FAM162B: variants seen among roughly 807,000 people sequenced by gnomAD.
FAM162B encodes protein FAM162B.
Under a neutral mutation model 20.0 loss-of-function variants are expected in FAM162B, and 16 were observed. The ratio of observed to expected loss-of-function variants is 0.80; its 90% CI spans 0.54 to 1.21. FAM162B has a LOEUF of 1.21. FAM162B is among the 50% of genes most tolerant of loss of function. The pLI, the probability that FAM162B is intolerant of heterozygous loss-of-function variation, is 0.00. For synonymous variants in FAM162B, 83 were observed against 89.7 expected, an observed-to-expected ratio of 0.93 and a Z score of 0.42; for missense variants, 260 against 227.5, an observed-to-expected ratio of 1.14 and a Z score of -0.92.
intron 3 of FAM162B, among the ~76,000 whole-genome samples, chr6:116,756,930 A>G (rs1780058331): frequency 6.6e-6 from 1 of 152,216 alleles, no homozygotes; most frequent in African/African-American, 2.4e-5. Context: ...ATTCATTTCA[A>G]TACCATTAGA....
intron 3 of FAM162B, among the ~76,000 whole-genome samples, chr6:116,756,112 T>C (rs557112513): frequency 8.5e-5 from 13 of 152,320 alleles, no homozygotes; most frequent in Non-Finnish European, 1.8e-4. Context: ...ATAGCTACCA[T>C]AGATAGTGAT....
intron 2 of FAM162B, among the ~76,000 whole-genome samples, chr6:116,764,688 AC>A (rs138477704): frequency 3.5e-5 from 5 of 142,984 alleles, no homozygotes; most frequent in Admixed American, 6.9e-5. Flanking sequence ...TTTTCCAGAG[AC>A]CCCCCCGCCA....
At chr6:116,764,857 G>C (rs140409787) in intron 2 of FAM162B, among the ~76,000 whole-genome samples, 1 of 152,194 alleles carries the variant, frequency 6.6e-6, no homozygotes, top group South Asian at 2.1e-4. Context: ...CTGCCTCCCA[G>C]TTCGGAGCTT....
chr6:116,755,736 C>T (rs562592540), intron 3 of FAM162B, among the ~76,000 whole-genome samples: 21 of 152,216 alleles, frequency 1.4e-4, no homozygotes, highest in African/African-American at 5.1e-4. Context: ...CAGCTGATGA[C>T]TTTAAGTGGA....
chr6:116,764,600 C>A (rs1771868063), intron 2 of FAM162B, among the ~76,000 whole-genome samples: 1 of 152,118 alleles, frequency 6.6e-6, no homozygotes, highest in African/African-American at 2.4e-5. Context: ...CTGAGTAAAC[C>A]CGGAGCCTAG....
chr6:116,755,434 T>C lies in FAM162B; in HGVS notation c.391-2739A>G, dbSNP rs146024912. 4.3e-3 allele frequency among the ~76,000 whole-genome samples: 649 copies of C among 152,230 alleles called. 17 individuals are homozygous for C. The highest frequency in any genetic ancestry group is 0.042 in the South Asian group (200 of 4,812). ...AGGTGGGAAAGCAGTAGAAGACAAG[T>C]TGGAAGCTAGCAGAGGTTGGTTCAT... On this transcript the variant is annotated intron_variant, in intron 3 of 3. Coordinates refer to ENST00000368557, the MANE Select transcript of FAM162B (RefSeq NM_001085480.3).
intron 3 of FAM162B, among the ~76,000 whole-genome samples, chr6:116,757,162 A>AT (rs1215614141): frequency 2.6e-5 from 4 of 152,242 alleles, no homozygotes; most frequent in Non-Finnish European, 5.9e-5. Flanking sequence ...ATTACTGGGC[A>AT]TATTTCAACA....
At chr6:116,763,658 A>G (rs1484381418) in intron 2 of FAM162B, among the ~76,000 whole-genome samples, 1 of 152,142 alleles carries the variant, frequency 6.6e-6, no homozygotes, top group Non-Finnish European at 1.5e-5. Context: ...AATACTGGGC[A>G]TAGGTTTTCT....
chr6:116,765,685 G>C lies in FAM162B; in HGVS notation c.-109C>G, dbSNP rs895530772. On this transcript the variant is annotated 5_prime_UTR_variant, in exon 1 of 4. Transcript: ENST00000368557. ...GCCTGCCGCGCGCTGGAGAGCCTGGGACGTGCAGCTGGAACCCCTGGCGCT... is the reference window on the plus strand; with the variant it reads ...GCCTGCCGCGCGCTGGAGAGCCTGGCACGTGCAGCTGGAACCCCTGGCGCT... 9 of 1,190,428 alleles carry C rather than the reference G, an allele frequency of 7.6e-6. No individual in the cohort carries two copies. The highest frequency in any genetic ancestry group is 3.1e-4 in the Middle Eastern group (1 of 3,194). 73.7% of individuals were successfully genotyped at this position (1,190,428 alleles called of 1,614,324 possible).
intron 2 of FAM162B, 56 bp downstream of exon 2, chr6:116,765,091 C>T: frequency 1.3e-6 from 2 of 1,573,936 alleles, no homozygotes; most frequent in South Asian, 1.1e-5. Flanking sequence ...GTGGGTCACC[C>T]CGCACCCTTG....
rs2114555804 is a variant in FAM162B at position 116,765,582 on chromosome 6, C to A, written c.-6G>T. On this transcript the variant is annotated 5_prime_UTR_variant, in exon 1 of 4. Coordinates refer to ENST00000368557, the MANE Select transcript of FAM162B (RefSeq NM_001085480.3). ...CTCCCGACCGCCCTGAGCATGCTGC[C>A]CGCTTGTCCCGCGCCGCACCCGCAC... The A allele has an allele frequency of 7.5e-7, 1 of 1,325,714 alleles. No individual in the cohort carries two copies. Among genetic ancestry groups the A allele is most frequent in the East Asian group, 3.1e-5 (1 of 32,488 alleles). 82.1% of individuals were successfully genotyped at this position (1,325,714 alleles called of 1,614,324 possible). A position where few individuals can be genotyped will look rare whatever the true frequency, so the allele number is the denominator to read the frequency against.
chr6:116,752,549 G>T lies in FAM162B; in HGVS notation c.*48C>A. 1.0e-6 allele frequency: 1 copy of T among 998,332 alleles called. No homozygotes were observed. Among genetic ancestry groups the T allele is most frequent in the Non-Finnish European group, 1.5e-6 (1 of 689,282 alleles). The allele number at this position is 998,332 out of a possible 1,614,324, so 61.8% of individuals were successfully genotyped here. A position where few individuals can be genotyped will look rare whatever the true frequency, so the allele number is the denominator to read the frequency against. On this transcript the variant is annotated 3_prime_UTR_variant, in exon 4 of 4. Transcript: ENST00000368557. ...TCTATTTTTCCCATCTTCTACTGTT[G>T]CTGATGACAGGGATGGTATTCAGGT...
intron 3 of FAM162B, among the ~76,000 whole-genome samples, chr6:116,761,034 T>G (rs986417738): frequency 2.0e-5 from 3 of 152,184 alleles, no homozygotes; most frequent in Non-Finnish European, 2.9e-5. Context: ...TCTAATGGCT[T>G]CAGTTGCAGG....
chr6:116,753,498 T>A (rs1426102033), intron 3 of FAM162B, among the ~76,000 whole-genome samples: 1 of 152,072 alleles, frequency 6.6e-6, no homozygotes, highest in Non-Finnish European at 1.5e-5. Flanking sequence ...TGATGACTTA[T>A]CCACGAGCAG....
intron 2 of FAM162B, 41 bp downstream of exon 2, chr6:116,765,106 C>A (rs1204358192): frequency 1.3e-6 from 2 of 1,598,784 alleles, no homozygotes; most frequent in African/African-American, 2.7e-5. Flanking sequence ...CCCTTGCGGC[C>A]GGGGACCGAC....
At chr6:116,761,905 C>T in intron 3 of FAM162B, 72 bp downstream of exon 3, 2 of 1,112,962 alleles carry the variant, frequency 1.8e-6, no homozygotes, top group South Asian at 2.1e-5. Context: ...TGGTGAGATA[C>T]TCTTTTAGGG....
intron 2 of FAM162B, among the ~76,000 whole-genome samples, chr6:116,763,751 T>C (rs182733727): frequency 1.8e-3 from 266 of 151,488 alleles, no homozygotes; most frequent in African/African-American, 5.3e-3. Context: ...TCAAACCAAT[T>C]GAGGGTGGTG....
In FAM162B at chr6:116,765,278, G is replaced by A. The variant is rs562277504; in HGVS notation, c.173-23C>T. On this transcript the variant is annotated intron_variant, in intron 1 of 3. Transcript: ENST00000368557. Reference sequence around the variant, plus strand: ...CCCCTGCAGCGAAAGCAACCCAGATGGACGCGGGAACTGACGCACCGGCAC... The same window carrying A: ...CCCCTGCAGCGAAAGCAACCCAGATAGACGCGGGAACTGACGCACCGGCAC... 3.1e-6 allele frequency: 5 copies of A among 1,610,498 alleles called. No individual in the cohort carries two copies. In the African/African-American group the frequency reaches 5.3e-5, roughly 17 times the overall value.
At chr6:116,755,255 T>G (rs1780039549) in intron 3 of FAM162B, among the ~76,000 whole-genome samples, 1 of 152,248 alleles carries the variant, frequency 6.6e-6, no homozygotes, top group South Asian at 2.1e-4. Context: ...ACTACTCCAG[T>G]GAACACCTAA....
Sources: allele counts gnomAD v4.1 joint callset (sites outside exome capture counted in the v4.1 genomes callset), GRCh38; gene constraint gnomAD v4.1.1; transcripts MANE v1.5; gene names NCBI Gene and HGNC (gene_info 2026-07-23, HGNC 2026-07-21).